The following C1RL variants were observed in gnomAD, a reference collection of about 807,000 sequenced individuals.
The protein encoded by C1RL is complement C1r subcomponent like.
In C1RL, 27 loss-of-function variants were observed where a neutral mutation model predicts 27.9. The ratio of observed to expected loss-of-function variants is 0.97; its 90% CI spans 0.71 to 1.33. The LOEUF is 1.33. C1RL is among the 40% of genes most tolerant of loss of function. The pLI, the probability that C1RL is intolerant of heterozygous loss-of-function variation, is 0.00. For missense variants in C1RL, 563 were observed against 623.9 expected, an observed-to-expected ratio of 0.90 and a Z score of 1.04; for synonymous variants, 248 against 252.1, an observed-to-expected ratio of 0.98 and a Z score of 0.15.
chr12:7,108,407 T>C lies in C1RL; in HGVS notation c.144A>G (p.Leu48=). 6.2e-7 allele frequency: 1 copy of C among 1,613,766 alleles called. No homozygotes were observed. The change falls in exon 2 of 6, where the codon CTA becomes CTG. Residue 48 remains leucine, a synonymous_variant. Coordinates refer to ENST00000266542, the MANE Select transcript of C1RL (RefSeq NM_016546.4). ...ACCCGGGGGATGTCAGCTGCTGGGGTAGCTCTTGGGCCAAGAGGACGGAGC... is the reference window on the plus strand; with the variant it reads ...ACCCGGGGGATGTCAGCTGCTGGGGCAGCTCTTGGGCCAAGAGGACGGAGC... ...TRGSVLLAQE[L]PQQLTSPGYP... is the part of the protein sequence containing the mutation.
In C1RL at chr12:7,094,741, G is replaced by C; in HGVS notation, c.*1650C>G. 1.0e-6 allele frequency: 1 copy of C among 977,912 alleles called. No individual in the cohort carries two copies. Among genetic ancestry groups the C allele is most frequent in the Non-Finnish European group, 1.2e-6 (1 of 823,152 alleles). 60.6% of individuals were successfully genotyped at this position (977,912 alleles called of 1,614,324 possible). A position where few individuals can be genotyped will look rare whatever the true frequency, so the allele number is the denominator to read the frequency against. On this transcript the variant is annotated 3_prime_UTR_variant, in exon 6 of 6. Transcript: ENST00000266542. ...AAACCACCTCTGTTTAGTATTTTGA[G>C]AGAATTATTATTATATTTTTGGCGA...
In C1RL at chr12:7,097,129, A is replaced by T. The variant is rs1938468725; in HGVS notation, c.726T>A (p.Asn242Lys). 1.2e-6 allele frequency: 2 copies of T among 1,611,872 alleles called. No homozygotes were observed. Among genetic ancestry groups the T allele is most frequent in the South Asian group, 2.2e-5 (2 of 90,834 alleles). Reference protein sequence around the residue: ...CGRPVTPIAQNQTTLGSSRAK... With the variant: ...CGRPVTPIAQKQTTLGSSRAK... The stretch of plus-strand genomic sequence containing the variant: ...CTCTGGAAGAACCGAGGGTCGTCTG[A>T]TTCTGGGCAATGGGGGTGACTGGCC... Residue 242 changes from asparagine to lysine, a missense_variant, in exon 6 of 6, where the codon AAT becomes AAA. By Grantham distance (94) the Asn-to-Lys change is moderately conservative (BLOSUM62 0). Coordinates refer to ENST00000266542, the MANE Select transcript of C1RL (RefSeq NM_016546.4).
chr12:7,108,916 T>TG (rs1261665894), intron 1 of C1RL, 194 bp downstream of exon 1: 1 of 582,494 alleles, frequency 1.7e-6, no homozygotes, highest in Admixed American at 2.7e-5. Context: ...CCCCATGGAA[T>TG]ATCTGCTGTG....
At chr12:7,101,442 A>AT (rs1326149205) in intron 3 of C1RL, among the ~76,000 whole-genome samples, 6 of 150,626 alleles carry the variant, frequency 4.0e-5, no homozygotes, top group South Asian at 4.2e-4. Flanking sequence ...CTAATTTTTA[A>AT]TTTTTTTTGT....
Position 7,102,096 on chromosome 12 carries a change from GGGA to G in C1RL, c.301-12_301-10del, listed in dbSNP as rs763443660. Reference sequence around the variant, plus strand: ...GAACCGACGAATGAGATCTGAAAGCGGGAGGAGGAGTGAGGCTGCAGATAGGTG... The same window carrying G: ...GAACCGACGAATGAGATCTGAAAGCGGGAGGAGTGAGGCTGCAGATAGGTG... On this transcript the variant is annotated splice_polypyrimidine_tract_variant and intron_variant, in intron 2 of 5. Transcript: ENST00000266542. The G allele has an allele frequency of 1.0e-5, 16 of 1,599,698 alleles. 1 individual carries two copies. The highest frequency in any genetic ancestry group is 2.2e-5 in the East Asian group (1 of 44,466).
In C1RL at chr12:7,099,979, C is replaced by A; in HGVS notation, c.538G>T (p.Ala180Ser). The A allele has an allele frequency of 6.2e-7, 1 of 1,613,904 alleles. No individual in the cohort carries two copies. Among genetic ancestry groups the A allele is most frequent in the African/African-American group, 1.3e-5 (1 of 75,034 alleles). The stretch of plus-strand genomic sequence containing the variant: ...GGGTTGTCTCCAGGTGCGTTGATGG[C>A]CTCAGAGCCCCTGCTGGCCTCGCTG... ...PISEASRGSE[A>S]INAPGDNPAK... is the part of the protein sequence containing the mutation. Residue 180 changes from alanine to serine, a missense_variant, in exon 4 of 6, where the codon GCC (alanine) becomes TCC (serine). Transcript: ENST00000266542.
At chr12:7,103,063 T>C (rs927526066) in intron 2 of C1RL, among the ~76,000 whole-genome samples, 1 of 152,188 alleles carries the variant, frequency 6.6e-6, no homozygotes, top group Non-Finnish European at 1.5e-5. Flanking sequence ...TGGGTAAAAT[T>C]TGCGATGAAG....
At position 7,109,091 on chromosome 12, in the gene C1RL, C is replaced by A; in HGVS notation, c.71+19G>T. On this transcript the variant is annotated intron_variant, in intron 1 of 5. Transcript: ENST00000266542. ...CCCTCCCGTCCTCTTCCCTCCTCCT[C>A]TGCCGGGGCCACACTCACATTGCGC... 6.3e-7 allele frequency: 1 copy of A among 1,575,628 alleles called. No individual in the cohort carries two copies. Among genetic ancestry groups the A allele is most frequent in the African/African-American group, 1.3e-5 (1 of 74,228 alleles).
At chr12:7,098,263 T>G (rs1938514429) in intron 5 of C1RL, 1 of 152,184 alleles carries the variant, frequency 6.6e-6, no homozygotes, top group Non-Finnish European at 1.5e-5. Flanking sequence ...AGAGCGAGAC[T>G]CTGTCTCAAA....
At chr12:7,108,989 G>A in intron 1 of C1RL, 121 bp downstream of exon 1, 1 of 70,120 alleles carries the variant, frequency 1.4e-5, no homozygotes, top group Non-Finnish European at 2.5e-5. Context: ...GTGTGTGTGT[G>A]GGGGGGGGGG....
Position 7,095,654 on chromosome 12 carries a change from G to T in C1RL, c.*737C>A. ...ATGTGGGGGCTGGGAGGGAAAGCGGGTGACACAGCAGGTTAGAGGAGGGTT... is the reference window on the plus strand; with the variant it reads ...ATGTGGGGGCTGGGAGGGAAAGCGGTTGACACAGCAGGTTAGAGGAGGGTT... On this transcript the variant is annotated 3_prime_UTR_variant, in exon 6 of 6. Transcript: ENST00000266542. 1 of 985,894 alleles carries T rather than the reference G, an allele frequency of 1.0e-6. No homozygotes were observed. The allele number at this position is 985,894 out of a possible 1,614,324, so 61.1% of individuals were successfully genotyped here.
At chr12:7,108,571 A>T (rs1182677710) in intron 1 of C1RL, 92 bp from the exon 2 acceptor site, 2 of 1,012,002 alleles carry the variant, frequency 2.0e-6, no homozygotes, top group African/African-American at 3.2e-5. Flanking sequence ...GCTAGGACTC[A>T]GAGGCCTCGC....
rs765937376 is a variant in C1RL at position 7,096,591 on chromosome 12, C to A, written c.1264G>T (p.Val422Phe). 1.2e-6 allele frequency: 2 copies of A among 1,614,190 alleles called. No individual in the cohort carries two copies. Among genetic ancestry groups the A allele is most frequent in the East Asian group, 4.5e-5 (2 of 44,876 alleles). ...PEVFSDNMFCVGDETQRHSVC... is the reference protein window; with the variant it reads ...PEVFSDNMFCFGDETQRHSVC... Reference sequence around the variant, plus strand: ...CTGTGCCTTTGCGTCTCATCCCCAACACAGAACATATTGTCAGAAAACACC... The same window carrying A: ...CTGTGCCTTTGCGTCTCATCCCCAAAACAGAACATATTGTCAGAAAACACC... Residue 422 changes from valine to phenylalanine, a missense_variant, in exon 6 of 6, where the codon GTT (valine) becomes TTT (phenylalanine). Coordinates refer to ENST00000266542, the MANE Select transcript of C1RL (RefSeq NM_016546.4).
intron 3 of C1RL, among the ~76,000 whole-genome samples, chr12:7,101,338 G>A (rs1172680542): frequency 6.7e-6 from 1 of 149,322 alleles, no homozygotes; most frequent in Non-Finnish European, 1.5e-5. Context: ...TGGCATGATT[G>A]TGGCTGACTG....
rs1198242097 is a variant in C1RL, at chr12:7,097,107, T to C, written c.748A>G (p.Arg250Gly). 1.2e-6 allele frequency: 2 copies of C among 1,613,704 alleles called. No individual in the cohort carries two copies. The highest frequency in any genetic ancestry group is 1.7e-5 in the Admixed American group (1 of 59,946). Residue 250 changes from arginine to glycine, a missense_variant, in exon 6 of 6, where the codon AGA (arginine) becomes GGA (glycine). By Grantham distance (125) the Arg-to-Gly change is moderately radical (BLOSUM62 -2). Coordinates refer to ENST00000266542, the MANE Select transcript of C1RL (RefSeq NM_016546.4). ...CAGGGGAAGTTGCCCAGCTTGGCTC[T>C]GGAAGAACCGAGGGTCGTCTGATTC... ...AQNQTTLGSS[R>G]AKLGNFPWQA...
At position 7,109,162 on chromosome 12, in the gene C1RL, A is replaced by G; in HGVS notation, c.19T>C (p.Trp7Arg). The G allele has an allele frequency of 6.2e-7, 1 of 1,601,308 alleles. No individual in the cohort carries two copies. The change falls in exon 1 of 6, where the codon TGG becomes CGG. Residue 7 changes from tryptophan (W) to arginine (R), a missense_variant. Physicochemically the swap from Trp to Arg is moderately radical, Grantham distance 101 (BLOSUM62 -3). Coordinates refer to ENST00000266542, the MANE Select transcript of C1RL (RefSeq NM_016546.4). ...GGGCTTCTCCAGAGATATTTCCCCC[A>G]CACTCTGGGTCCAGGCATCTGGAAC... is the stretch of plus-strand genomic sequence containing the variant. MPGPRV[W>R]GKYLWRSPHS...
Position 7,096,618 on chromosome 12 carries a change from C to T in C1RL, c.1237G>A (p.Glu413Lys), listed in dbSNP as rs369851400. Reference protein sequence around the residue: ...NAWLQKRQRPEVFSDNMFCVG... With the variant: ...NAWLQKRQRPKVFSDNMFCVG... ...CAGAACATATTGTCAGAAAACACCT[C>T]GGGTCTCTGTCTCTTTTGGAGCCAG... The change falls in exon 6 of 6, where the codon GAG becomes AAG. Residue 413 changes from glutamate to lysine, a missense_variant. Physicochemically the swap from Glu to Lys is moderately conservative, Grantham distance 56. Transcript: ENST00000266542. The T allele has an allele frequency of 1.1e-5, 17 of 1,614,008 alleles. No homozygotes were observed. The highest frequency in any genetic ancestry group is 6.7e-5 in the African/African-American group (5 of 74,890).
At chr12:7,103,876 T>G (rs1167439407) in intron 2 of C1RL, among the ~76,000 whole-genome samples, 3 of 152,132 alleles carry the variant, frequency 2.0e-5, no homozygotes, top group Non-Finnish European at 2.9e-5. Context: ...ACGGGACTCA[T>G]GGTAGGTGCT....
At chr12:7,099,225 C>CA (rs1180325788) in intron 5 of C1RL, among the ~76,000 whole-genome samples, 2,378 of 44,382 alleles carry the variant, frequency 0.054, 456 homozygotes, top group Non-Finnish European at 0.073. Flanking sequence ...AACTCCATCC[C>CA]AAAAAAAAAA....
Sources: allele counts gnomAD v4.1 joint callset (sites outside exome capture counted in the v4.1 genomes callset), GRCh38; gene constraint gnomAD v4.1.1; transcripts MANE v1.5; gene names NCBI Gene and HGNC (gene_info 2026-07-23, HGNC 2026-07-21).